AVEN: variants seen among roughly 807,000 people sequenced by gnomAD.
AVEN encodes the protein apoptosis and caspase activation inhibitor, also known as cell death regulator Aven.
Under a neutral mutation model 38.1 loss-of-function variants are expected in AVEN, and 41 were observed. The observed-to-expected ratio is 1.08, with a 90% confidence interval of 0.84 to 1.40. The LOEUF (loss-of-function observed/expected upper bound fraction) is 1.40. Among genes scored for constraint, AVEN ranks in the 40% most tolerant of loss-of-function variants. AVEN has a pLI of 0.00. For missense variants in AVEN, 605 were observed against 438.8 expected (o/e 1.38, Z -3.38); for synonymous variants, 206 against 171.8 (o/e 1.20, Z -1.56).
intron 2 of AVEN, among the ~76,000 whole-genome samples, chr15:33,961,653 A>AGT (rs1244941455): frequency 6.6e-6 from 1 of 151,458 alleles, no homozygotes; most frequent in Non-Finnish European, 1.5e-5. Context: ...CTCTACTAAA[A>AGT]ACACAAAAAA....
At chr15:33,865,458 C>A, downstream of AVEN, 1 of 477,964 alleles carries the variant, frequency 2.1e-6, no homozygotes. Flanking sequence ...GGCGAAGAAT[C>A]AAGTAATCTC....
At chr15:33,955,422 G>T (rs1338054657) in intron 2 of AVEN, among the ~76,000 whole-genome samples, 2 of 152,180 alleles carry the variant, frequency 1.3e-5, no homozygotes, top group African/African-American at 2.4e-5. Flanking sequence ...CCCCTAATAT[G>T]TATAAATCTG....
downstream of AVEN, chr15:33,858,228 G>A (rs543281011): frequency 1.5e-5 from 4 of 264,982 alleles, no homozygotes; most frequent in Non-Finnish European, 2.9e-5. Flanking sequence ...TTTTGAGATG[G>A]AGTTTTGCTT....
chr15:33,906,103 G>A lies in AVEN; in HGVS notation c.446-30108C>T, dbSNP rs114339484. ...AAAAGGTCAAGCTTAAAGCTACTTG[G>A]TTACCTAAGAACAGGTCTACGTTTC... On this transcript the variant is annotated intron_variant, in intron 2 of 5. Transcript: ENST00000306730. 9.9e-3 allele frequency among the ~76,000 whole-genome samples: 1,507 copies of A among 152,300 alleles called. 27 individuals are homozygous for A. The highest frequency in any genetic ancestry group is 0.034 in the African/African-American group (1,413 of 41,556).
At chr15:34,024,686 AC>A (rs1346079753) in intron 1 of AVEN, among the ~76,000 whole-genome samples, 4 of 142,224 alleles carry the variant, frequency 2.8e-5, no homozygotes, top group African/African-American at 1.1e-4. Flanking sequence ...CCCCGTCTCT[AC>A]TAAAAAAAAA....
At chr15:33,952,294 C>G (rs1214944179) in intron 2 of AVEN, among the ~76,000 whole-genome samples, 1 of 152,104 alleles carries the variant, frequency 6.6e-6, no homozygotes, top group African/African-American at 2.4e-5. Context: ...TTGGAGGAGG[C>G]AAAGCATTAG....
intron 1 of AVEN, among the ~76,000 whole-genome samples, chr15:34,007,891 T>G (rs1015280512): frequency 1.3e-5 from 2 of 152,214 alleles, no homozygotes; most frequent in African/African-American, 4.8e-5. Context: ...CTTTGCCATT[T>G]TCACATGGCA....
intron 1 of AVEN, among the ~76,000 whole-genome samples, chr15:34,013,206 C>T (rs1410156517): frequency 6.6e-6 from 1 of 152,036 alleles, no homozygotes; most frequent in African/African-American, 2.4e-5. Flanking sequence ...GGATTACAGG[C>T]GCGCGCCACC....
At chr15:34,064,239 A>G in intron 4 of AVEN, 1 of 1,614,120 alleles carries the variant, frequency 6.2e-7, no homozygotes, top group Non-Finnish European at 8.5e-7. Flanking sequence ...GACCTTTAAG[A>G]TGCTGCTTCT....
intron 1 of AVEN, among the ~76,000 whole-genome samples, chr15:34,004,283 C>A (rs530892780): frequency 1.3e-5 from 2 of 152,252 alleles, no homozygotes; most frequent in African/African-American, 2.4e-5. Context: ...CAGTATTGGG[C>A]ACTGAAAGGT....
chr15:34,011,144 A>ATCATGCCACTGCAC (rs1897619977), intron 1 of AVEN, among the ~76,000 whole-genome samples: 1 of 152,082 alleles, frequency 6.6e-6, no homozygotes, highest in Non-Finnish European at 1.5e-5. Context: ...GTAAGCTATG[A>ATCATGCCACTGCAC]TCATGCCACT....
chr15:33,923,161 G>T (rs1348557423), intron 2 of AVEN, among the ~76,000 whole-genome samples: 1 of 151,998 alleles, frequency 6.6e-6, no homozygotes, highest in East Asian at 1.9e-4. Flanking sequence ...GATAAGCTTG[G>T]TAATTACCAT....
chr15:33,851,985 C>G, the AVEN span: 4 of 147,762 alleles, frequency 2.7e-5, no homozygotes, highest in Admixed American at 1.4e-4. Context: ...ATGTTTAAGA[C>G]AAAGAAACTG....
chr15:34,022,908 C>A (rs181855762), intron 1 of AVEN, among the ~76,000 whole-genome samples: 1 of 152,218 alleles, frequency 6.6e-6, no homozygotes, highest in Non-Finnish European at 1.5e-5. Flanking sequence ...AACAATGAGG[C>A]CGGGCGCGGT....
At position 33,979,798 on chromosome 15, in the gene AVEN, G is replaced by A. The variant is rs77428859; in HGVS notation, c.445+23234C>T. ...AAGGACACATGTAGAGAAACACTAAGGAGCTCCAGTGGTCAAGAAAAATGC... is the reference window on the plus strand; with the variant it reads ...AAGGACACATGTAGAGAAACACTAAAGAGCTCCAGTGGTCAAGAAAAATGC... On this transcript the variant is annotated intron_variant, in intron 2 of 5. Coordinates refer to ENST00000306730, the MANE Select transcript of AVEN (RefSeq NM_020371.3). Among the ~76,000 whole-genome samples, 306 of 152,244 alleles carry A rather than the reference G, an allele frequency of 2.0e-3. 2 individuals are homozygous for A. Among genetic ancestry groups the A allele is most frequent in the African/African-American group, 7.1e-3 (296 of 41,534 alleles).
chr15:34,031,238 G>A lies in AVEN; in HGVS notation c.267+7542C>T, dbSNP rs541079609. ...TGCCCAGGCTGGAATGCAATGGCGC[G>A]ATCTCAGCTCACTGCAACCTCCGCC... is the stretch of plus-strand genomic sequence containing the variant. On this transcript the variant is annotated intron_variant, in intron 1 of 5. Transcript: ENST00000306730. Among the ~76,000 whole-genome samples the A allele has an allele frequency of 1.7e-3, 244 of 141,464 alleles. 1 individual carries two copies. Among genetic ancestry groups the A allele is most frequent in the African/African-American group, 4.0e-3 (153 of 38,212 alleles). 92.8% of individuals were successfully genotyped at this position (141,464 alleles called of 152,430 possible).
At chr15:33,967,851 T>C (rs1333627048) in intron 2 of AVEN, among the ~76,000 whole-genome samples, 14 of 151,330 alleles carry the variant, frequency 9.3e-5, no homozygotes, top group Middle Eastern at 3.4e-3. Flanking sequence ...TGTTAAAAGT[T>C]TGTATCAAAT....
intron 2 of AVEN, among the ~76,000 whole-genome samples, chr15:33,886,452 G>A (rs1258222607): frequency 6.6e-6 from 1 of 152,146 alleles, no homozygotes; most frequent in African/African-American, 2.4e-5. Flanking sequence ...ACAGGCATGT[G>A]CCACCACACT....
intron 2 of AVEN, chr15:34,067,236 T>G (rs1326177548): frequency 6.6e-6 from 1 of 152,262 alleles, no homozygotes; most frequent in Non-Finnish European, 1.5e-5. Context: ...AACAAAGCAT[T>G]TTGTCAATAT....
Sources: allele counts gnomAD v4.1 joint callset (sites outside exome capture counted in the v4.1 genomes callset), GRCh38; gene constraint gnomAD v4.1.1; transcripts MANE v1.5; gene names NCBI Gene and HGNC (gene_info 2026-07-23, HGNC 2026-07-21).